The following SUMO2 variants were observed in gnomAD, a reference collection of about 807,000 sequenced individuals.
SUMO2 encodes small ubiquitin-related modifier 2.
SUMO2 carries 1 observed loss-of-function variant against 16.0 expected under a neutral mutation model. The ratio of observed to expected loss-of-function variants is 0.06; its 90% CI spans 0.02 to 0.30. The LOEUF (loss-of-function observed/expected upper bound fraction) is 0.30, where lower values mean the gene tolerates loss of function less well. SUMO2 is among the 10% of genes least tolerant of loss of function. SUMO2 has a pLI of 1.00. For missense variants in SUMO2, 16 were observed against 117.5 expected (o/e 0.14, Z 3.99); for synonymous variants, 36 against 40.6 (o/e 0.89, Z 0.43).
chr17:75,172,020 T>C (rs901559500), intron 3 of SUMO2, among the ~76,000 whole-genome samples: 3 of 151,778 alleles, frequency 2.0e-5, no homozygotes, highest in Admixed American at 6.6e-5. Flanking sequence ...CCTTTTTTTT[T>C]TTTTTTGACA....
intron 1 of SUMO2, among the ~76,000 whole-genome samples, chr17:75,181,975 G>A (rs1215261716): frequency 6.6e-6 from 1 of 152,058 alleles, no homozygotes; most frequent in Non-Finnish European, 1.5e-5. Flanking sequence ...AGGCGCGGGA[G>A]GCGGGGGGTG....
Position 75,176,842 on chromosome 17 carries a change from G to GT in SUMO2, c.154-2020dup, listed in dbSNP as rs1473052701. 2.2e-4 allele frequency among the ~76,000 whole-genome samples: 33 copies of GT among 152,084 alleles called. 1 individual carries two copies. The highest frequency in any genetic ancestry group is 7.9e-4 in the African/African-American group (33 of 41,526). On this transcript the variant is annotated intron_variant, in intron 2 of 3. Transcript: ENST00000420826. The stretch of plus-strand genomic sequence containing the variant: ...GCACATAGTAGGTGCTGCTCAGTAA[G>GT]TATCAGTGGCATAAAAGGGATGAAA...
rs1319650076 is a variant in SUMO2 at position 75,166,665 on chromosome 17, T to C, written c.*1674A>G. 1 of 151,554 alleles carries C rather than the reference T, an allele frequency of 6.6e-6. No homozygotes were observed. Among genetic ancestry groups the C allele is most frequent in the Non-Finnish European group, 1.5e-5 (1 of 67,934 alleles). 9.4% of individuals were successfully genotyped at this position (151,554 alleles called of 1,614,324 possible). A position where few individuals can be genotyped will look rare whatever the true frequency, so the allele number is the denominator to read the frequency against. The stretch of plus-strand genomic sequence containing the variant: ...AGCTGTGGTGGCATGCACCTGCGGT[T>C]CTAGCTACTCACGAGGCTGAGCAGG... On this transcript the variant is annotated 3_prime_UTR_variant, in exon 4 of 4. Transcript: ENST00000420826.
intron 3 of SUMO2, among the ~76,000 whole-genome samples, chr17:75,170,230 A>G (rs2074726415): frequency 6.6e-6 from 1 of 152,218 alleles, no homozygotes; most frequent in Non-Finnish European, 1.5e-5. Flanking sequence ...ATATGTTTAA[A>G]GAATCTCGCT....
In SUMO2 at chr17:75,180,740, T is replaced by TG. The variant is rs1491085316; in HGVS notation, c.153+316_153+317insC. Among the ~76,000 whole-genome samples, 9 of 151,908 alleles carry TG rather than the reference T, an allele frequency of 5.9e-5. No individual in the cohort carries two copies. The East Asian group carries it at 1.7e-3, about 29-fold the overall frequency. On this transcript the variant is annotated intron_variant, in intron 2 of 3. Coordinates refer to ENST00000420826, the MANE Select transcript of SUMO2 (RefSeq NM_006937.4). ...AAATAAAATAAAATAATAAAAGACT[T>TG]ATAAGTAATTTTACCAAGTTCACTC...
intron 2 of SUMO2, among the ~76,000 whole-genome samples, chr17:75,178,901 G>C (rs917111938): frequency 1.3e-5 from 2 of 152,034 alleles, no homozygotes; most frequent in African/African-American, 4.8e-5. Flanking sequence ...GATGCAGTGA[G>C]CCGAGATTGC....
chr17:75,172,348 CAG>C (rs772093107), intron 3 of SUMO2, among the ~76,000 whole-genome samples: 76 of 106,268 alleles, frequency 7.2e-4, no homozygotes, highest in Non-Finnish European at 1.1e-3. Flanking sequence ...TTTTTTGAGA[CAG>C]GGGCTGTTAC....
At chr17:75,170,867 A>C (rs1294013271) in intron 3 of SUMO2, among the ~76,000 whole-genome samples, 1 of 151,750 alleles carries the variant, frequency 6.6e-6, no homozygotes, top group African/African-American at 2.4e-5. Context: ...AAAAAAAAAA[A>C]AACCCAAATT....
chr17:75,169,911 T>C (rs995666207), intron 3 of SUMO2, among the ~76,000 whole-genome samples: 19 of 150,414 alleles, frequency 1.3e-4, no homozygotes, highest in Non-Finnish European at 2.2e-4. Context: ...TCTCAACACT[T>C]TGGGAGGCCG....
At chr17:75,170,569 AAAAAACAAAAAC>A (rs920146303) in intron 3 of SUMO2, among the ~76,000 whole-genome samples, 1 of 150,404 alleles carries the variant, frequency 6.6e-6, no homozygotes, top group Non-Finnish European at 1.5e-5. Flanking sequence ...ACTCTGTCTC[AAAAAACAAAAAC>A]AAAAACAAAA....
rs1598219948 is a variant in SUMO2, at chr17:75,168,161, C to A, written c.*178G>T. The A allele has an allele frequency of 2.1e-6, 1 of 477,054 alleles. No homozygotes were observed. The highest frequency in any genetic ancestry group is 3.6e-6 in the Non-Finnish European group (1 of 279,924). The allele number at this position is 477,054 out of a possible 1,614,324, so 29.6% of individuals were successfully genotyped here. On this transcript the variant is annotated 3_prime_UTR_variant, in exon 4 of 4. Transcript: ENST00000420826. ...AAAAAAAAAATGCAATATGCTTGTGCACATATACCAGTTACTTTATGTACA... is the reference window on the plus strand; with the variant it reads ...AAAAAAAAAATGCAATATGCTTGTGAACATATACCAGTTACTTTATGTACA...
Position 75,182,860 on chromosome 17 carries a change from G to A in SUMO2, c.-26C>T, listed in dbSNP as rs2074840801. On this transcript the variant is annotated 5_prime_UTR_variant, in exon 1 of 4. Transcript: ENST00000420826. ...GGCGAGCGCCGGAGTCTCCTCAGCTGCCGCTTCACAAAAGAGGTACCAGGT... is the reference window on the plus strand; with the variant it reads ...GGCGAGCGCCGGAGTCTCCTCAGCTACCGCTTCACAAAAGAGGTACCAGGT... The A allele has an allele frequency of 1.4e-6, 2 of 1,395,352 alleles. No homozygotes were observed. Among genetic ancestry groups the A allele is most frequent in the East Asian group, 2.8e-5 (1 of 35,190 alleles). 86.4% of individuals were successfully genotyped at this position (1,395,352 alleles called of 1,614,324 possible).
intron 3 of SUMO2, among the ~76,000 whole-genome samples, chr17:75,169,385 A>T (rs568914196): frequency 8.3e-4 from 118 of 141,896 alleles, no homozygotes; most frequent in Middle Eastern, 3.5e-3. Context: ...TTAAAAAAAA[A>T]TTTTTTTTTT....
At chr17:75,168,549 C>T (rs1207172446) in intron 3 of SUMO2, 148 bp from the exon 4 acceptor site, 11 of 649,654 alleles carry the variant, frequency 1.7e-5, no homozygotes, top group Non-Finnish European at 2.8e-5. Flanking sequence ...AATGTATCAA[C>T]ACACTTGGTT....
chr17:75,171,879 C>G (rs924602123), intron 3 of SUMO2, among the ~76,000 whole-genome samples: 3 of 152,052 alleles, frequency 2.0e-5, no homozygotes, highest in African/African-American at 7.2e-5. Context: ...CATCTATCTA[C>G]TAAAACAAAA....
chr17:75,178,607 C>A (rs1307925627), intron 2 of SUMO2, among the ~76,000 whole-genome samples: 1 of 152,020 alleles, frequency 6.6e-6, no homozygotes, highest in Non-Finnish European at 1.5e-5. Context: ...CTCATTCTGT[C>A]ACCCACACTG....
At chr17:75,180,415 A>AC (rs1001320041) in intron 2 of SUMO2, among the ~76,000 whole-genome samples, 7 of 145,182 alleles carry the variant, frequency 4.8e-5, no homozygotes, top group Admixed American at 2.1e-4. Flanking sequence ...AAAAAAAAAA[A>AC]AAAAAACGAC....
chr17:75,172,706 C>G (rs1351170469), intron 3 of SUMO2, among the ~76,000 whole-genome samples: 2 of 151,992 alleles, frequency 1.3e-5, no homozygotes, highest in Non-Finnish European at 2.9e-5. Flanking sequence ...AACTCCCAAC[C>G]TCAGGTGATC....
chr17:75,167,251 A>T lies in SUMO2; in HGVS notation c.*1088T>A, dbSNP rs1383134804. 1 of 151,752 alleles carries T rather than the reference A, an allele frequency of 6.6e-6. No homozygotes were observed. The highest frequency in any genetic ancestry group is 2.4e-5 in the African/African-American group (1 of 41,298). The allele number at this position is 151,752 out of a possible 1,614,324, so 9.4% of individuals were successfully genotyped here. Reference sequence around the variant, plus strand: ...GGTTGCAGTGAGCTGAAATTGCACCACTACACTCCAGCCTGGGCAACAAGA... The same window carrying T: ...GGTTGCAGTGAGCTGAAATTGCACCTCTACACTCCAGCCTGGGCAACAAGA... On this transcript the variant is annotated 3_prime_UTR_variant, in exon 4 of 4. Transcript: ENST00000420826.
Sources: gnomAD v4.1 joint callset for allele counts (sites outside exome capture counted in the v4.1 genomes callset) on GRCh38, gnomAD v4.1.1 for gene constraint, MANE v1.5 for transcripts, NCBI Gene and HGNC (gene_info 2026-07-23, HGNC 2026-07-21) for gene names.